The following ZNG1E variants were observed in gnomAD, a reference collection of about 807,000 sequenced individuals.
The protein encoded by ZNG1E is Zn regulated GTPase metalloprotein activator 1E.
the ZNG1E span, among the ~76,000 whole-genome samples, chr9:65,728,175 A>T: frequency 6.6e-6 from 1 of 152,296 alleles, no homozygotes; most frequent in Non-Finnish European, 1.5e-5. Flanking sequence ...TCAAGATGGA[A>T]ATGTAAAAAT....
chr9:65,665,133 G>GAA, the ZNG1E span, among the ~76,000 whole-genome samples: 10 of 152,272 alleles, frequency 6.6e-5, no homozygotes, highest in Non-Finnish European at 1.0e-4. Flanking sequence ...GCTGGCTGCA[G>GAA]AAATTTGCAT....
the ZNG1E span, among the ~76,000 whole-genome samples, chr9:65,661,506 C>G: frequency 1.1e-4 from 16 of 152,342 alleles, no homozygotes; most frequent in South Asian, 3.3e-3. Context: ...AATTTAGGTT[C>G]TGCTAATATC....
chr9:65,684,370 C>T, the ZNG1E span, among the ~76,000 whole-genome samples: 1 of 150,282 alleles, frequency 6.7e-6, no homozygotes, highest in Non-Finnish European at 1.5e-5. Flanking sequence ...AATCCAGTCT[C>T]TACTGAAAAT....
the ZNG1E span, among the ~76,000 whole-genome samples, chr9:65,710,555 T>C: frequency 6.6e-6 from 1 of 152,092 alleles, no homozygotes; most frequent in Non-Finnish European, 1.5e-5. Context: ...AGGGATCCGG[T>C]TTCAGCTTTC....
the ZNG1E span, among the ~76,000 whole-genome samples, chr9:65,660,844 T>C: frequency 7.0e-6 from 1 of 142,922 alleles, no homozygotes; most frequent in South Asian, 2.2e-4. Flanking sequence ...TATATATATA[T>C]ATATATATAT....
At chr9:65,661,756 C>A in the ZNG1E span, among the ~76,000 whole-genome samples, 1 of 152,216 alleles carries the variant, frequency 6.6e-6, no homozygotes, top group Non-Finnish European at 1.5e-5. Flanking sequence ...GGGGCCTAAG[C>A]TAAAGAGATT....
At chr9:65,659,509 A>C in the ZNG1E span, among the ~76,000 whole-genome samples, 1 of 151,100 alleles carries the variant, frequency 6.6e-6, no homozygotes, top group Non-Finnish European at 1.5e-5. Flanking sequence ...AAAAAAAAAA[A>C]AAAAAGAGAG....
chr9:65,714,261 AT>A, the ZNG1E span, among the ~76,000 whole-genome samples: 1 of 148,808 alleles, frequency 6.7e-6, no homozygotes, highest in African/African-American at 2.6e-5. Context: ...ATTCTTCAAA[AT>A]TTTTTCCAAA....
chr9:65,714,713 G>T, the ZNG1E span, among the ~76,000 whole-genome samples: 1 of 151,246 alleles, frequency 6.6e-6, no homozygotes, highest in Non-Finnish European at 1.5e-5. Flanking sequence ...CCTCCCAGGG[G>T]GTCAGGGGTC....
the ZNG1E span, among the ~76,000 whole-genome samples, chr9:65,693,173 G>A: frequency 6.6e-6 from 1 of 152,078 alleles, no homozygotes; most frequent in South Asian, 2.1e-4. Flanking sequence ...CATAGGATTA[G>A]TAAGAAGACT....
the ZNG1E span, among the ~76,000 whole-genome samples, chr9:65,721,497 A>C: frequency 2.0e-5 from 3 of 150,046 alleles, no homozygotes; most frequent in African/African-American, 7.6e-5. Flanking sequence ...AATAAACAGA[A>C]TAGTAAAGTA....
the ZNG1E span, chr9:65,677,087 G>T: frequency 6.6e-7 from 1 of 1,519,154 alleles, no homozygotes; most frequent in Non-Finnish European, 8.8e-7. Context: ...TTGCTCGGAA[G>T]TAATTTTATA....
the ZNG1E span, among the ~76,000 whole-genome samples, chr9:65,666,665 CA>C: frequency 1.4e-5 from 2 of 145,872 alleles, no homozygotes; most frequent in African/African-American, 5.1e-5. Flanking sequence ...AATGCATACA[CA>C]AGTGTGCTAA....
the ZNG1E span, among the ~76,000 whole-genome samples, chr9:65,715,041 A>G: frequency 1.3e-4 from 20 of 149,334 alleles, no homozygotes; most frequent in Admixed American, 4.7e-4. Flanking sequence ...TGTGCTAGCA[A>G]TCAGCGAGAC....
At chr9:65,658,226 G>C in the ZNG1E span, among the ~76,000 whole-genome samples, 1 of 152,082 alleles carries the variant, frequency 6.6e-6, no homozygotes, top group Non-Finnish European at 1.5e-5. Context: ...CGTAAGAGGA[G>C]ATATTGTATT....
At chr9:65,668,489 C>CTA in the ZNG1E span, among the ~76,000 whole-genome samples, 291 of 150,588 alleles carry the variant, frequency 1.9e-3, no homozygotes, top group African/African-American at 3.6e-3. Context: ...TATATAAATA[C>CTA]TATATATATA....
chr9:65,676,618 G>C, the ZNG1E span, among the ~76,000 whole-genome samples: 1 of 151,584 alleles, frequency 6.6e-6, no homozygotes, highest in Non-Finnish European at 1.5e-5. Context: ...CAGTTGGCAG[G>C]AAGTGCTCCT....
At chr9:65,660,839 A>C in the ZNG1E span, among the ~76,000 whole-genome samples, 6 of 137,522 alleles carry the variant, frequency 4.4e-5, no homozygotes, top group African/African-American at 7.9e-5. Context: ...ATATATATAT[A>C]TATATATATA....
the ZNG1E span, among the ~76,000 whole-genome samples, chr9:65,659,582 T>C: frequency 4.0e-5 from 6 of 151,438 alleles, no homozygotes; most frequent in African/African-American, 1.5e-4. Context: ...AGTAAACAAA[T>C]ATTCATCTCT....
Sources: gnomAD v4.1 joint callset for allele counts (sites outside exome capture counted in the v4.1 genomes callset) on GRCh38, gnomAD v4.1.1 for gene constraint, MANE v1.5 for transcripts, NCBI Gene and HGNC (gene_info 2026-07-23, HGNC 2026-07-21) for gene names.